SYNPR: variants seen among roughly 807,000 people sequenced by gnomAD.
SYNPR encodes synaptoporin.
In SYNPR, 23 loss-of-function variants were observed where a neutral mutation model predicts 32.9. The observed-to-expected ratio is 0.70, with a 90% CI of 0.50 to 0.99. The LOEUF is 0.99. Among genes scored for constraint, SYNPR ranks in the 50% least tolerant of loss-of-function variants. SYNPR has a pLI of 0.00. For missense variants in SYNPR, 318 were observed against 349.3 expected, an observed-to-expected ratio of 0.91 and a Z score of 0.71; for synonymous variants, 146 against 135.9, an observed-to-expected ratio of 1.07 and a Z score of -0.52.
In SYNPR at chr3:63,581,758, A is replaced by G. The variant is rs557341075; in HGVS notation, c.408+25017A>G. Among the ~76,000 whole-genome samples, 3 of 152,204 alleles carry G rather than the reference A, an allele frequency of 2.0e-5. No homozygotes were observed. In the East Asian group the frequency reaches 5.8e-4, roughly 30 times the overall value. On this transcript the variant is annotated intron_variant, in intron 4 of 5. Transcript: ENST00000478300. Reference sequence around the variant, plus strand: ...CTCCAGGAGACTTGAAAGGTTTATTAAAGTTTACTTTGACTCTTGCTGGTT... The same window carrying G: ...CTCCAGGAGACTTGAAAGGTTTATTGAAGTTTACTTTGACTCTTGCTGGTT...
At chr3:63,614,253 G>C (rs896999904) in intron 5 of SYNPR, among the ~76,000 whole-genome samples, 1 of 152,194 alleles carries the variant, frequency 6.6e-6, no homozygotes, top group Non-Finnish European at 1.5e-5. Flanking sequence ...CCATTAGGGG[G>C]CTGTTAAAAC....
At chr3:63,476,306 G>C (rs1225802283) in intron 2 of SYNPR, among the ~76,000 whole-genome samples, 8 of 79,354 alleles carry the variant, frequency 1.0e-4, no homozygotes, top group African/African-American at 4.2e-4. Flanking sequence ...AGGGAAGGAA[G>C]GGAAGGGAGG....
chr3:63,443,993 T>G (rs537273258), intron 2 of SYNPR, among the ~76,000 whole-genome samples: 5 of 152,332 alleles, frequency 3.3e-5, no homozygotes, highest in African/African-American at 1.2e-4. Context: ...TACGATTGGA[T>G]GCATGCACCT....
chr3:63,544,653 T>C (rs1186375905), intron 3 of SYNPR, among the ~76,000 whole-genome samples: 1 of 152,106 alleles, frequency 6.6e-6, no homozygotes, highest in Non-Finnish European at 1.5e-5. Context: ...GGGGACTTTT[T>C]GACAGAACTG....
At chr3:63,227,494 A>G (rs2086137434), upstream of SYNPR, among the ~76,000 whole-genome samples, 2 of 152,178 alleles carry the variant, frequency 1.3e-5, no homozygotes, top group African/African-American at 4.8e-5. Flanking sequence ...CGGTCACTTA[A>G]TCTAAAATAG....
At chr3:63,473,072 G>A (rs983941593) in intron 2 of SYNPR, among the ~76,000 whole-genome samples, 7 of 151,864 alleles carry the variant, frequency 4.6e-5, no homozygotes, top group African/African-American at 1.7e-4. Context: ...TACAACATAT[G>A]CAGACTTACC....
Position 63,300,297 on chromosome 3 carries a change from GA to G in SYNPR, c.84+21556del, listed in dbSNP as rs141031436. On this transcript the variant is annotated intron_variant, in intron 2 of 5. Transcript: ENST00000478300. ...CCTTTTCAAATACTGCTTATATTCTGAGTTCTGAGTGTGAATTCTAGAACAT... is the reference window on the plus strand; with the variant it reads ...CCTTTTCAAATACTGCTTATATTCTGGTTCTGAGTGTGAATTCTAGAACAT... Among the ~76,000 whole-genome samples the G allele has an allele frequency of 5.3e-4, 77 of 144,770 alleles. 1 individual carries two copies. The highest frequency in any genetic ancestry group is 1.8e-3 in the African/African-American group (70 of 39,672). 95.0% of individuals were successfully genotyped at this position (144,770 alleles called of 152,430 possible). A position where few individuals can be genotyped will look rare whatever the true frequency, so the allele number is the denominator to read the frequency against.
At chr3:63,244,993 G>A (rs2086273645) in intron 1 of SYNPR, among the ~76,000 whole-genome samples, 1 of 152,014 alleles carries the variant, frequency 6.6e-6, no homozygotes, top group Non-Finnish European at 1.5e-5. Flanking sequence ...ACTAGGATAA[G>A]GAAAAGACAT....
chr3:63,417,256 C>T (rs567920973), intron 2 of SYNPR, among the ~76,000 whole-genome samples: 16 of 152,364 alleles, frequency 1.1e-4, no homozygotes, highest in African/African-American at 3.8e-4. Flanking sequence ...AATCTTAAAG[C>T]TCCAAAATGA....
intron 3 of SYNPR, among the ~76,000 whole-genome samples, chr3:63,268,218 A>G (rs2086507226): frequency 1.3e-5 from 2 of 152,256 alleles, no homozygotes; most frequent in Non-Finnish European, 2.9e-5. Flanking sequence ...GTCATAGATG[A>G]CATGAGGAAA....
intron 3 of SYNPR, among the ~76,000 whole-genome samples, chr3:63,494,547 C>T (rs1701335682): frequency 6.8e-6 from 1 of 147,666 alleles, no homozygotes; most frequent in African/African-American, 2.5e-5. Flanking sequence ...CAAAGATCAT[C>T]ATCATCATCG....
At chr3:63,531,014 C>A (rs1702103601) in intron 3 of SYNPR, among the ~76,000 whole-genome samples, 1 of 151,906 alleles carries the variant, frequency 6.6e-6, no homozygotes. Context: ...GCTGTGCCAG[C>A]AGGGAAACAT....
intron 2 of SYNPR, chr3:63,329,920 A>G (rs1368530285): frequency 6.6e-6 from 1 of 152,156 alleles, no homozygotes; most frequent in Non-Finnish European, 1.5e-5. Context: ...AAAGGAGGAA[A>G]GTAAATATCA....
chr3:63,369,552 T>C (rs1278214992), intron 2 of SYNPR, among the ~76,000 whole-genome samples: 1 of 152,260 alleles, frequency 6.6e-6, no homozygotes, highest in Non-Finnish European at 1.5e-5. Flanking sequence ...AACATTTTAA[T>C]ATTTGTGTTT....
intron 3 of SYNPR, among the ~76,000 whole-genome samples, chr3:63,488,320 G>T (rs6779281): frequency 0.43 from 65,688 of 151,928 alleles, 14,244 homozygotes; most frequent in East Asian, 0.5. Flanking sequence ...TATAACTACA[G>T]TATCTCATTC....
chr3:63,572,728 C>T (rs150903296), intron 4 of SYNPR, among the ~76,000 whole-genome samples: 84 of 152,132 alleles, frequency 5.5e-4, no homozygotes, highest in African/African-American at 1.9e-3. Flanking sequence ...TTAAATCAAC[C>T]GAAGTCAAAG....
At chr3:63,471,571 G>A (rs1190020678) in intron 2 of SYNPR, among the ~76,000 whole-genome samples, 1 of 152,218 alleles carries the variant, frequency 6.6e-6, no homozygotes, top group African/African-American at 2.4e-5. Flanking sequence ...AGCTTTAGAG[G>A]CATTCATCTG....
chr3:63,442,739 T>C (rs1278707639), intron 2 of SYNPR, among the ~76,000 whole-genome samples: 1 of 152,218 alleles, frequency 6.6e-6, no homozygotes, highest in East Asian at 1.9e-4. Context: ...CCTTCTACAG[T>C]TGCCAGAGCC....
chr3:63,480,657 T>G (rs1451308), intron 2 of SYNPR, among the ~76,000 whole-genome samples, 175 bp from the exon 3 acceptor site: 1 of 151,940 alleles, frequency 6.6e-6, no homozygotes. Flanking sequence ...TTAGACACCA[T>G]GTCCCCAGTC....
Sources: allele counts gnomAD v4.1 joint callset (sites outside exome capture counted in the v4.1 genomes callset), GRCh38; gene constraint gnomAD v4.1.1; transcripts MANE v1.5; gene names NCBI Gene and HGNC (gene_info 2026-07-23, HGNC 2026-07-21).